Variants in ANXA11 observed in about 807,000 individuals in gnomAD.
ANXA11 encodes 56 kDa autoantigen.
Under a neutral mutation model 64.7 loss-of-function variants are expected in ANXA11, and 57 were observed. That is an observed-to-expected ratio of 0.88 (90% CI 0.71 to 1.10). ANXA11 has a LOEUF of 1.10. Ranked by LOEUF, ANXA11 falls within the 50% of genes least tolerant of loss-of-function variation. ANXA11 has a pLI of 0.00. For synonymous variants in ANXA11, 260 were observed against 265.2 expected, an observed-to-expected ratio of 0.98 and a Z score of 0.19; for missense variants, 675 against 670.7, an observed-to-expected ratio of 1.01 and a Z score of -0.07.
rs543906594 is a variant in ANXA11, at chr10:80,168,879, C to T, written c.561+90G>A. On this transcript the variant is annotated intron_variant, in intron 5 of 15. Transcript: ENST00000422982. ...CAAGAAGTGCAGCTGGAGGCCTGCG[C>T]CTTTCCCTGTCTCCCCATCTACTGA... 4 of 1,363,818 alleles carry T rather than the reference C, an allele frequency of 2.9e-6. No individual in the cohort carries two copies. In the Admixed American group the frequency reaches 1.4e-4, roughly 47 times the overall value. The allele number at this position is 1,363,818 out of a possible 1,614,324, so 84.5% of individuals were successfully genotyped here.
chr10:80,171,277 C>T (rs1845966724), intron 3 of ANXA11: 1 of 1,106,486 alleles, frequency 9.0e-7, no homozygotes, highest in Non-Finnish European at 1.1e-6. Context: ...CCATGCTGAG[C>T]CCATGACAGA....
At chr10:80,194,607 G>GT (rs1323768850) in intron 1 of ANXA11, among the ~76,000 whole-genome samples, 3 of 152,134 alleles carry the variant, frequency 2.0e-5, no homozygotes, top group Non-Finnish European at 4.4e-5. Flanking sequence ...TTCTCTCTGA[G>GT]GGGCCTTGGC....
intron 1 of ANXA11, among the ~76,000 whole-genome samples, chr10:80,178,277 T>C (rs1846240507): frequency 6.6e-6 from 1 of 152,162 alleles, no homozygotes; most frequent in Admixed American, 6.5e-5. Context: ...CCAATGCCTC[T>C]CTCCTCCTTT....
At chr10:80,180,512 A>G (rs1208785438) in intron 1 of ANXA11, among the ~76,000 whole-genome samples, 2 of 120,026 alleles carry the variant, frequency 1.7e-5, no homozygotes, top group African/African-American at 5.4e-5. Flanking sequence ...GAAGCCACAC[A>G]GCAGTGACAC....
At position 80,169,308 on chromosome 10, in the gene ANXA11, G is replaced by T. The variant is rs201350605; in HGVS notation, c.222C>A (p.Tyr74Ter). ...TFGGANMPNL[Y>*]PGAPGAGYPP... ...GGTAGCCAGCCCCAGGGGCCCCAGGGTACAGGTTGGGCATGTTGGCTCCTC... is the reference window on the plus strand; with the variant it reads ...GGTAGCCAGCCCCAGGGGCCCCAGGTTACAGGTTGGGCATGTTGGCTCCTC... The change falls in exon 5 of 16, where the codon TAC becomes TAA. Residue 74 changes from tyrosine (Y) to a stop codon, truncating the protein, a stop_gained. Coordinates refer to ENST00000422982, the MANE Select transcript of ANXA11 (RefSeq NM_145868.2). LOFTEE classifies it high-confidence loss of function. 1 of 1,610,840 alleles carries T rather than the reference G, an allele frequency of 6.2e-7. No homozygotes were observed. The highest frequency in any genetic ancestry group is 8.5e-7 in the Non-Finnish European group (1 of 1,179,844).
chr10:80,194,747 T>C (rs1846914516), intron 1 of ANXA11, among the ~76,000 whole-genome samples: 1 of 152,158 alleles, frequency 6.6e-6, no homozygotes, highest in Non-Finnish European at 1.5e-5. Flanking sequence ...ATAGCATTAT[T>C]TCATTGGAGG....
chr10:80,177,382 C>T (rs547431215), intron 1 of ANXA11, among the ~76,000 whole-genome samples: 5 of 152,242 alleles, frequency 3.3e-5, no homozygotes, highest in African/African-American at 1.2e-4. Context: ...CTACTCCCTA[C>T]CTCCCCGGAC....
chr10:80,160,319 TA>T lies in ANXA11; in HGVS notation c.1181-1125del, dbSNP rs1292424271. ...CTCCATTACAGGATAGTGCAGAGGTTAAAAAGTGTGCTCTGGGGTCGGGTGG... is the reference window on the plus strand; with the variant it reads ...CTCCATTACAGGATAGTGCAGAGGTTAAAAGTGTGCTCTGGGGTCGGGTGG... On this transcript the variant is annotated intron_variant, in intron 12 of 15. Transcript: ENST00000422982. 3.3e-5 allele frequency among the ~76,000 whole-genome samples: 5 copies of T among 152,160 alleles called. No homozygotes were observed. The East Asian group carries it at 9.6e-4, about 29-fold the overall frequency.
At chr10:80,177,236 G>A (rs1564616688) in intron 1 of ANXA11, among the ~76,000 whole-genome samples, 1 of 152,048 alleles carries the variant, frequency 6.6e-6, no homozygotes, top group Non-Finnish European at 1.5e-5. Context: ...TGATCCGCCC[G>A]CCTCAGCCTC....
intron 2 of ANXA11, among the ~76,000 whole-genome samples, chr10:80,174,197 C>T (rs1236912613): frequency 1.3e-5 from 2 of 152,062 alleles, no homozygotes; most frequent in Non-Finnish European, 2.9e-5. Flanking sequence ...TGTGCCACCA[C>T]ACACAGCTAA....
At chr10:80,166,378 C>G in intron 7 of ANXA11, 181 bp from the exon 8 acceptor site, 1 of 560,354 alleles carries the variant, frequency 1.8e-6, no homozygotes, top group East Asian at 2.9e-5. Flanking sequence ...AATCAGAGAC[C>G]ACATTTTACC....
intron 1 of ANXA11, among the ~76,000 whole-genome samples, chr10:80,195,437 G>C (rs1448803565): frequency 6.6e-6 from 1 of 152,218 alleles, no homozygotes; most frequent in Non-Finnish European, 1.5e-5. Context: ...CTGGAGCCAA[G>C]AGTCACTCAC....
intron 14 of ANXA11, 87 bp from the exon 15 acceptor site, chr10:80,157,850 G>A: frequency 6.3e-7 from 1 of 1,587,254 alleles, no homozygotes; most frequent in Non-Finnish European, 8.6e-7. Flanking sequence ...CCCTACCCAG[G>A]TCCTCGGAAC....
chr10:80,164,135 G>A lies in ANXA11; in HGVS notation c.867C>T (p.Gly289=). ...YEIKEAIKGV[G]TDEACLIEIL... Reference sequence around the variant, plus strand: ...TCTCAATCAGGCAGGCTTCATCAGTGCCAACCCCCTGCAGGGGCAGAGAAT... The same window carrying A: ...TCTCAATCAGGCAGGCTTCATCAGTACCAACCCCCTGCAGGGGCAGAGAAT... Residue 289 remains glycine (G), a synonymous_variant, in exon 9 of 16, where the codon GGC becomes GGT. Transcript: ENST00000422982. The A allele has an allele frequency of 6.2e-7, 1 of 1,613,782 alleles. No homozygotes were observed. The highest frequency in any genetic ancestry group is 8.5e-7 in the Non-Finnish European group (1 of 1,179,752).
At chr10:80,166,847 C>T (rs759670664) in intron 7 of ANXA11, 43 bp downstream of exon 7, 8 of 1,461,126 alleles carry the variant, frequency 5.5e-6, no homozygotes, top group African/African-American at 1.4e-5. Context: ...GTGCTGAGCC[C>T]AGGACACGCC....
intron 13 of ANXA11, 48 bp from the exon 14 acceptor site, chr10:80,158,073 C>T (rs1286749635): frequency 1.3e-6 from 2 of 1,581,734 alleles, no homozygotes; most frequent in East Asian, 4.5e-5. Context: ...AAATTCTCAG[C>T]CCAAGCAGGG....
chr10:80,194,740 G>A (rs1156344567), intron 1 of ANXA11, among the ~76,000 whole-genome samples: 1 of 152,190 alleles, frequency 6.6e-6, no homozygotes, highest in Non-Finnish European at 1.5e-5. Context: ...GAGCTCAATA[G>A]CATTATTTCA....
chr10:80,165,845 T>G (rs1845697271), intron 8 of ANXA11, among the ~76,000 whole-genome samples: 1 of 152,182 alleles, frequency 6.6e-6, no homozygotes, highest in African/African-American at 2.4e-5. Flanking sequence ...GCCTCCCTGA[T>G]GATGACTGGT....
At chr10:80,197,211 T>C (rs1190247087) in intron 1 of ANXA11, among the ~76,000 whole-genome samples, 7 of 152,222 alleles carry the variant, frequency 4.6e-5, no homozygotes, top group African/African-American at 1.4e-4. Context: ...CAGTGCATTA[T>C]GAACCAGGCT....
Sources: gnomAD v4.1 joint callset for allele counts (sites outside exome capture counted in the v4.1 genomes callset) on GRCh38, gnomAD v4.1.1 for gene constraint, MANE v1.5 for transcripts, NCBI Gene and HGNC (gene_info 2026-07-23, HGNC 2026-07-21) for gene names.